The following GNA12 variants were observed in gnomAD, a reference collection of about 807,000 sequenced individuals.
GNA12 encodes the protein guanine nucleotide-binding protein subunit alpha-12.
Under a neutral mutation model 26.0 loss-of-function variants are expected in GNA12, and 9 were observed. The ratio of observed to expected loss-of-function variants is 0.35; its 90% CI spans 0.21 to 0.60. GNA12 has a LOEUF of 0.60. GNA12 is among the 20% of genes least tolerant of loss of function. GNA12 has a pLI of 0.78. For synonymous variants in GNA12, 264 were observed against 219.6 expected, an observed-to-expected ratio of 1.20 and a Z score of -1.79; for missense variants, 405 against 525.8, an observed-to-expected ratio of 0.77 and a Z score of 2.25.
intron 2 of GNA12, among the ~76,000 whole-genome samples, chr7:2,757,129 C>CTTTTTTTTTTT (rs71026549): frequency 2.1e-5 from 2 of 93,994 alleles, no homozygotes; most frequent in African/African-American, 8.7e-5. Flanking sequence ...TCAGGTGGGC[C>CTTTTTTTTTTT]TTTTTTTTTT....
At chr7:2,734,448 T>A (rs772639368) in intron 2 of GNA12, among the ~76,000 whole-genome samples, 4 of 152,316 alleles carry the variant, frequency 2.6e-5, no homozygotes, top group South Asian at 4.1e-4. Context: ...CTTTCTGTGT[T>A]CTCATGGAAA....
In GNA12 at chr7:2,753,165, T is replaced by A. The variant is rs531179879; in HGVS notation, c.526-19664A>T. Reference sequence around the variant, plus strand: ...CATACAGCATGCGGCTTTTTTTTTTTAAAAAAAGAGACAGGGTCTTACTGT... The same window carrying A: ...CATACAGCATGCGGCTTTTTTTTTTAAAAAAAAGAGACAGGGTCTTACTGT... On this transcript the variant is annotated intron_variant, in intron 2 of 3. Transcript: ENST00000275364. 1.9e-3 allele frequency among the ~76,000 whole-genome samples: 278 copies of A among 147,184 alleles called. 1 individual carries two copies. The highest frequency in any genetic ancestry group is 7.0e-3 in the Middle Eastern group (2 of 284).
chr7:2,799,548 C>T lies in GNA12; in HGVS notation c.310-4405G>A, dbSNP rs373717734. Among the ~76,000 whole-genome samples, 6 of 152,278 alleles carry T rather than the reference C, an allele frequency of 3.9e-5. No individual in the cohort carries two copies. The East Asian group carries it at 9.6e-4, about 24-fold the overall frequency. On this transcript the variant is annotated intron_variant, in intron 1 of 3. Coordinates refer to ENST00000275364, the MANE Select transcript of GNA12 (RefSeq NM_007353.3). ...AGTGAGCTATGACAGTGCCACTGCA[C>T]TCCAGCCTGGGTGACAGAGCAAGAT... is the stretch of plus-strand genomic sequence containing the variant.
chr7:2,771,854 G>A (rs903151572), intron 2 of GNA12, among the ~76,000 whole-genome samples: 4 of 151,570 alleles, frequency 2.6e-5, no homozygotes, highest in Non-Finnish European at 5.9e-5. Context: ...AAAGTGCCCC[G>A]CTTTTCCAAA....
intron 1 of GNA12, among the ~76,000 whole-genome samples, chr7:2,813,172 G>C (rs78073099): frequency 0.014 from 2,188 of 152,192 alleles, 61 homozygotes; most frequent in African/African-American, 0.05. Context: ...CCTCCTGCCT[G>C]GTATCCAGCA....
chr7:2,797,444 CT>C lies in GNA12; in HGVS notation c.310-2302del, dbSNP rs199915733. On this transcript the variant is annotated intron_variant, in intron 1 of 3. Coordinates refer to ENST00000275364, the MANE Select transcript of GNA12 (RefSeq NM_007353.3). ...ACAGGTGTGAGCCACTGCATCCGGC[CT>C]TTTTTTTTTTTTCCTTTTTAAATAA... Among the ~76,000 whole-genome samples, 488 of 143,658 alleles carry C rather than the reference CT, an allele frequency of 3.4e-3. 1 individual carries two copies. Among genetic ancestry groups the C allele is most frequent in the African/African-American group, 4.2e-3 (167 of 39,382 alleles). The allele number at this position is 143,658 out of a possible 152,430, so 94.2% of individuals were successfully genotyped here.
intron 2 of GNA12, among the ~76,000 whole-genome samples, chr7:2,789,998 G>T (rs980388085): frequency 1.3e-5 from 2 of 152,216 alleles, no homozygotes; most frequent in African/African-American, 2.4e-5. Context: ...GCATCCACGT[G>T]CATGCATACT....
chr7:2,832,891 C>T (rs186318867), intron 1 of GNA12, among the ~76,000 whole-genome samples: 1 of 152,272 alleles, frequency 6.6e-6, no homozygotes, highest in East Asian at 1.9e-4. Context: ...CTCTGGATGC[C>T]GCACTTCCAA....
chr7:2,756,074 G>C (rs1331287457), intron 2 of GNA12, among the ~76,000 whole-genome samples: 1 of 152,182 alleles, frequency 6.6e-6, no homozygotes. Flanking sequence ...GAAAGTGACA[G>C]AGTTTATCAT....
Position 2,731,467 on chromosome 7 carries a change from A to G in GNA12, c.860T>C (p.Phe287Ser). Reference protein sequence around the residue: ...FETIVNNKLFFNVSIILFLNK... With the variant: ...FETIVNNKLFSNVSIILFLNK... ...GAGGAAGAGAATGATGGAGACGTTGAAGAAGAGCTTGTTGTTGACGATGGT... is the reference window on the plus strand; with the variant it reads ...GAGGAAGAGAATGATGGAGACGTTGGAGAAGAGCTTGTTGTTGACGATGGT... The change falls in exon 4 of 4, where the codon TTC becomes TCC. Residue 287 changes from phenylalanine (F) to serine (S), a missense_variant. Coordinates refer to ENST00000275364, the MANE Select transcript of GNA12 (RefSeq NM_007353.3). This position sits in a 1 kb window ranked among gnomAD's most constrained non-coding sequence, Gnocchi z 6.0. 6.2e-7 allele frequency: 1 copy of G among 1,613,878 alleles called. No homozygotes were observed. The highest frequency in any genetic ancestry group is 8.5e-7 in the Non-Finnish European group (1 of 1,179,890).
intron 2 of GNA12, among the ~76,000 whole-genome samples, chr7:2,740,424 A>T (rs1011497983): frequency 2.0e-5 from 3 of 152,182 alleles, no homozygotes; most frequent in Non-Finnish European, 4.4e-5. Context: ...CACAGTGAGA[A>T]GCTGGCCGTC....
chr7:2,773,734 C>T (rs892134076), intron 2 of GNA12, among the ~76,000 whole-genome samples: 13 of 152,170 alleles, frequency 8.5e-5, no homozygotes, highest in African/African-American at 3.1e-4. Flanking sequence ...TGAACCCAGG[C>T]ACACCTGGAT....
intron 1 of GNA12, among the ~76,000 whole-genome samples, chr7:2,825,440 G>C (rs1221719965): frequency 6.6e-6 from 1 of 152,238 alleles, no homozygotes; most frequent in Non-Finnish European, 1.5e-5. Flanking sequence ...CCCCAGCAGT[G>C]TATGAAGACG....
intron 2 of GNA12, among the ~76,000 whole-genome samples, chr7:2,766,293 T>A (rs1381090213): frequency 6.6e-6 from 1 of 152,212 alleles, no homozygotes; most frequent in Non-Finnish European, 1.5e-5. Context: ...AGCTGCAGTC[T>A]TTCCTTTTTA....
At chr7:2,758,010 A>G (rs1163119233) in intron 2 of GNA12, among the ~76,000 whole-genome samples, 2 of 152,244 alleles carry the variant, frequency 1.3e-5, no homozygotes, top group African/African-American at 2.4e-5. Flanking sequence ...CAAGCTCTAC[A>G]GACCTAATAA....
chr7:2,737,327 C>G (rs899975742), intron 2 of GNA12, among the ~76,000 whole-genome samples: 2 of 119,408 alleles, frequency 1.7e-5, no homozygotes, highest in African/African-American at 6.6e-5. Flanking sequence ...CTCGCCCTGT[C>G]GCCCCGGCTG....
intron 2 of GNA12, among the ~76,000 whole-genome samples, chr7:2,786,389 C>T (rs1381831414): frequency 2.6e-5 from 4 of 152,088 alleles, no homozygotes; most frequent in Non-Finnish European, 5.9e-5. Flanking sequence ...TCAAAAGATG[C>T]TTATTCCCAA....
At chr7:2,747,392 AG>A (rs1790819180) in intron 2 of GNA12, among the ~76,000 whole-genome samples, 1 of 152,252 alleles carries the variant, frequency 6.6e-6, no homozygotes, top group South Asian at 2.1e-4. Flanking sequence ...AATGTAATCC[AG>A]TATATAAACA....
intron 1 of GNA12, among the ~76,000 whole-genome samples, chr7:2,817,089 A>C (rs1295514454): frequency 6.6e-6 from 1 of 152,174 alleles, no homozygotes; most frequent in Non-Finnish European, 1.5e-5. Context: ...ATGGCTTCCC[A>C]TCATACTCCA....
Sources: gnomAD v4.1 joint callset for allele counts (sites outside exome capture counted in the v4.1 genomes callset) on GRCh38, gnomAD v4.1.1 for gene constraint, Gnocchi (gnomAD v3.1) non-coding constraint, MANE v1.5 for transcripts, NCBI Gene and HGNC (gene_info 2026-07-23, HGNC 2026-07-21) for gene names.